The following AP1B1 variants were observed in gnomAD, a reference collection of about 807,000 sequenced individuals.
AP1B1 encodes the protein adaptor related protein complex 1 subunit beta 1.
In AP1B1, 36 loss-of-function variants were observed where a neutral mutation model predicts 104.3. The ratio of observed to expected loss-of-function variants is 0.35; its 90% CI spans 0.26 to 0.46. The LOEUF (loss-of-function observed/expected upper bound fraction) is 0.46, where lower values mean the gene tolerates loss of function less well. Among genes scored for constraint, AP1B1 ranks in the 20% least tolerant of loss-of-function variants. AP1B1 has a pLI of 1.00. For synonymous variants in AP1B1, 504 were observed against 517.5 expected, an observed-to-expected ratio of 0.97 and a Z score of 0.35; for missense variants, 901 against 1,247.9, an observed-to-expected ratio of 0.72 and a Z score of 4.19.
intron 14 of AP1B1, among the ~76,000 whole-genome samples, chr22:29,340,120 G>A (rs904149625): frequency 1.3e-5 from 2 of 152,132 alleles, no homozygotes; most frequent in African/African-American, 4.8e-5. Context: ...ACATGGTCCT[G>A]CCAGTTGCCT....
chr22:29,341,528 T>G lies in AP1B1; in HGVS notation c.1769A>C (p.His590Pro), dbSNP rs2061714334. ...AFVEGGRGVV[H>P]KSLPPRTASS... ...GGCCGTGCGAGGTGGCAGGCTCTTG[T>G]GCACGACGCCCCGGCCCCCCTCCAC... Residue 590 changes from histidine to proline, a missense_variant, in exon 13 of 23, where the codon CAC (histidine) becomes CCC (proline). Physicochemically the swap from His to Pro is moderately conservative, Grantham distance 77. This residue lies in a region of AP1B1 where 424 missense variants were observed against 494.0 expected (regional missense o/e 0.86). Transcript: ENST00000357586. 6.2e-7 allele frequency: 1 copy of G among 1,613,882 alleles called. No homozygotes were observed. Among genetic ancestry groups the G allele is most frequent in the Non-Finnish European group, 8.5e-7 (1 of 1,179,912 alleles).
At chr22:29,366,538 G>A (rs2062139838) in intron 2 of AP1B1, among the ~76,000 whole-genome samples, 1 of 152,160 alleles carries the variant, frequency 6.6e-6, no homozygotes, top group African/African-American at 2.4e-5. Flanking sequence ...TGAGGCAGGA[G>A]TATCACTTAA....
rs777020895 is a variant in AP1B1 at position 29,339,735 on chromosome 22, C to T, written c.2019+19G>A. 3.4e-5 allele frequency: 54 copies of T among 1,609,070 alleles called. No individual in the cohort carries two copies. The highest frequency in any genetic ancestry group is 2.5e-4 in the Admixed American group (15 of 59,564). On this transcript the variant is annotated intron_variant, in intron 15 of 22. Transcript: ENST00000357586. ...AGGAGCAAGGACGAAGGCTTGGTGA[C>T]GCAAGGGTTGAACCATACCCCTTCA...
Position 29,349,423 on chromosome 22 carries a change from G to A in AP1B1, c.1272-40C>T, listed in dbSNP as rs937824743. 1.9e-6 allele frequency: 3 copies of A among 1,603,782 alleles called. No homozygotes were observed. In the Middle Eastern group the frequency reaches 5.0e-4, roughly 265 times the overall value. On this transcript the variant is annotated intron_variant, in intron 10 of 22. Coordinates refer to ENST00000357586, the MANE Select transcript of AP1B1 (RefSeq NM_001127.4). ...CACAGTTGGTATGGGAGCCCTCAAGGAGAACGGGAAACCCAGGGAAGCCAG... is the reference window on the plus strand; with the variant it reads ...CACAGTTGGTATGGGAGCCCTCAAGAAGAACGGGAAACCCAGGGAAGCCAG...
rs759445131 is a variant in AP1B1, at chr22:29,351,745, T to C, written c.1019A>G (p.Asp340Gly). Residue 340 changes from aspartate (D) to glycine (G), a missense_variant, in exon 8 of 23, where the codon GAC (aspartate) becomes GGC (glycine). Physicochemically the swap from Asp to Gly is moderately conservative, Grantham distance 94 (BLOSUM62 -1). This residue lies in a region of AP1B1 where 471 missense variants were observed against 696.7 expected (regional missense o/e 0.68). Transcript: ENST00000357586. ...DPIYVKLEKL[D>G]IMIRLASQAN... The stretch of plus-strand genomic sequence containing the variant: ...CTGAGAGGCCAGGCGGATCATGATG[T>C]CCAGCTTCTCCAGCTTCACGTAGAT... The C allele has an allele frequency of 1.9e-6, 3 of 1,614,158 alleles. No homozygotes were observed. Among genetic ancestry groups the C allele is most frequent in the Non-Finnish European group, 1.7e-6 (2 of 1,180,024 alleles).
intron 7 of AP1B1, among the ~76,000 whole-genome samples, chr22:29,353,150 A>G (rs569622199): frequency 3.6e-4 from 55 of 152,156 alleles, no homozygotes; most frequent in Admixed American, 1.1e-3. Flanking sequence ...TCCTACTCCT[A>G]TGCCCTTCCA....
intron 1 of AP1B1, among the ~76,000 whole-genome samples, chr22:29,372,304 G>A (rs542728832): frequency 6.6e-6 from 1 of 151,768 alleles, no homozygotes; most frequent in East Asian, 1.9e-4. Context: ...GGTGCCTGTA[G>A]TCCCAGCTAC....
At chr22:29,368,980 C>T (rs542292028) in intron 1 of AP1B1, among the ~76,000 whole-genome samples, 1 of 152,230 alleles carries the variant, frequency 6.6e-6, no homozygotes, top group East Asian at 1.9e-4. Context: ...TACAGCCTTC[C>T]AATCCTACCT....
chr22:29,351,341 T>C (rs767050736), intron 8 of AP1B1, 75 bp from the exon 9 acceptor site: 2 of 1,463,354 alleles, frequency 1.4e-6, no homozygotes, highest in Non-Finnish European at 1.9e-6. Flanking sequence ...GGGCAGTGAA[T>C]ATACACAGAC....
chr22:29,373,625 T>C (rs2062279021), intron 1 of AP1B1, among the ~76,000 whole-genome samples: 1 of 152,002 alleles, frequency 6.6e-6, no homozygotes, highest in African/African-American at 2.4e-5. Context: ...TTTTAAAAAA[T>C]GTGCTGGGCG....
At position 29,356,585 on chromosome 22, in the gene AP1B1, T is replaced by G; in HGVS notation, c.557A>C (p.Glu186Ala). 1 of 1,614,142 alleles carries G rather than the reference T, an allele frequency of 6.2e-7. No individual in the cohort carries two copies. The highest frequency in any genetic ancestry group is 8.5e-7 in the Non-Finnish European group (1 of 1,180,010). ...VVANAVAALS[E>A]IAESHPSSNL... ...GCTGCTGGGGTGAGACTCGGCAATT[T>G]CTGAGAGCGCTGCCACTGCATTGGC... Residue 186 changes from glutamate (E) to alanine (A), a missense_variant, in exon 6 of 23, where the codon GAA becomes GCA. Transcript: ENST00000357586.
rs1285352217 is a variant in AP1B1 at position 29,341,553 on chromosome 22, C to T, written c.1744G>A (p.Val582Met). 4 of 1,614,214 alleles carry T rather than the reference C, an allele frequency of 2.5e-6. No individual in the cohort carries two copies. The highest frequency in any genetic ancestry group is 3.4e-6 in the Non-Finnish European group (4 of 1,180,030). Reference sequence around the variant, plus strand: ...TGCACGACGCCCCGGCCCCCCTCCACAAAGGCACTGGGAGGCTTATGGTAG... The same window carrying T: ...TGCACGACGCCCCGGCCCCCCTCCATAAAGGCACTGGGAGGCTTATGGTAG... ...SVYHKPPSAFVEGGRGVVHKS... is the reference protein window; with the variant it reads ...SVYHKPPSAFMEGGRGVVHKS... Residue 582 changes from valine (V) to methionine (M), a missense_variant, in exon 13 of 23, where the codon GTG becomes ATG. Physicochemically the swap from Val to Met is conservative, Grantham distance 21. Transcript: ENST00000357586.
At chr22:29,367,413 G>A in intron 1 of AP1B1, 143 bp from the exon 2 acceptor site, 2 of 469,336 alleles carry the variant, frequency 4.3e-6, no homozygotes, top group Non-Finnish European at 7.7e-6. Flanking sequence ...ACAAACTTTA[G>A]ATCATGGCAG....
chr22:29,363,482 T>C (rs546539329), intron 2 of AP1B1, among the ~76,000 whole-genome samples: 1 of 152,238 alleles, frequency 6.6e-6, no homozygotes, highest in Non-Finnish European at 1.5e-5. Context: ...ACCTTGTCTC[T>C]ATTAAAATAC....
intron 1 of AP1B1, among the ~76,000 whole-genome samples, chr22:29,388,024 T>TC (rs1491345692): frequency 6.6e-6 from 1 of 152,174 alleles, no homozygotes. Flanking sequence ...AGTTTTTTTT[T>TC]CTTTCTTCTT....
intron 2 of AP1B1, among the ~76,000 whole-genome samples, chr22:29,364,187 C>T (rs1472737886): frequency 6.6e-6 from 1 of 152,240 alleles, no homozygotes; most frequent in Non-Finnish European, 1.5e-5. Context: ...CTAATTAAAA[C>T]AGCTTGTTCA....
chr22:29,334,355 C>A lies in AP1B1; in HGVS notation c.2219G>T (p.Arg740Leu), dbSNP rs778806080. The part of the protein sequence containing the change: ...KGLEISGTFT[R>L]QVGSISMDLQ... ...GTCCATGGAGATGGAGCCCACCTGGCGGGTGAAGGTGCCTGAGATCTCCAG... is the reference window on the plus strand; with the variant it reads ...GTCCATGGAGATGGAGCCCACCTGGAGGGTGAAGGTGCCTGAGATCTCCAG... Residue 740 changes from arginine to leucine, a missense_variant, in exon 17 of 23, where the codon CGC (arginine) becomes CTC (leucine). Transcript: ENST00000357586. 1.2e-6 allele frequency: 2 copies of A among 1,610,604 alleles called. No individual in the cohort carries two copies. Among genetic ancestry groups the A allele is most frequent in the South Asian group, 1.1e-5 (1 of 90,680 alleles).
chr22:29,372,500 T>C (rs1431683670), intron 1 of AP1B1, among the ~76,000 whole-genome samples: 1 of 151,934 alleles, frequency 6.6e-6, no homozygotes, highest in Non-Finnish European at 1.5e-5. Context: ...GCTTTCTCTC[T>C]TATGTTTTCT....
rs576833616 is a variant in AP1B1 at position 29,366,768 on chromosome 22, C to T, written c.37+439G>A. ...GAGCCAAGATCGCACCACTGCACTC[C>T]AGCCTGGGTGACATGAGTGAAACTC... On this transcript the variant is annotated intron_variant, in intron 2 of 22. Transcript: ENST00000357586. Among the ~76,000 whole-genome samples, 9 of 151,564 alleles carry T rather than the reference C, an allele frequency of 5.9e-5. No individual in the cohort carries two copies. The South Asian group carries it at 1.5e-3, about 25-fold the overall frequency.
Sources: gnomAD v4.1 joint callset for allele counts (sites outside exome capture counted in the v4.1 genomes callset) on GRCh38, gnomAD v4.1.1 for gene constraint, gnomAD v4.1.1 regional missense constraint, MANE v1.5 for transcripts, NCBI Gene and HGNC (gene_info 2026-07-23, HGNC 2026-07-21) for gene names.